CTNNA2: variants seen among roughly 807,000 people sequenced by gnomAD.
The protein encoded by CTNNA2 is catenin alpha 2, also known as catenin alpha-2.
In CTNNA2, 42 loss-of-function variants were observed where a neutral mutation model predicts 101.0. The observed-to-expected ratio is 0.42, with a 90% CI of 0.32 to 0.54. The LOEUF is 0.54. Ranked by LOEUF, CTNNA2 falls within the 20% of genes least tolerant of loss-of-function variation. The probability of loss-of-function intolerance (pLI) is 0.14; values close to 1 mark genes in which losing one functional copy is unlikely to be tolerated. For missense variants in CTNNA2, 871 were observed against 1,223.1 expected, an observed-to-expected ratio of 0.71 and a Z score of 4.29; for synonymous variants, 450 against 456.4, an observed-to-expected ratio of 0.99 and a Z score of 0.18.
intron 7 of CTNNA2, among the ~76,000 whole-genome samples, chr2:80,266,971 G>T (rs1345960195): frequency 6.6e-6 from 1 of 152,108 alleles, no homozygotes; most frequent in African/African-American, 2.4e-5. Context: ...CATCTAGAAT[G>T]GTGTTATTTT....
At chr2:79,777,327 ATGTGTG>A (rs67347678) in intron 3 of CTNNA2, among the ~76,000 whole-genome samples, 4,677 of 139,580 alleles carry the variant, frequency 0.034, 88 homozygotes, top group Non-Finnish European at 0.044. Context: ...AACACTTGTT[ATGTGTG>A]TGTGTGTGTG....
chr2:79,342,490 A>G (rs766477817), intron 3 of CTNNA2, among the ~76,000 whole-genome samples: 5 of 152,192 alleles, frequency 3.3e-5, no homozygotes, highest in African/African-American at 7.2e-5. Context: ...TTCCACCTCT[A>G]TTTGATTCTA....
chr2:79,793,538 G>A (rs1434745507), intron 3 of CTNNA2, among the ~76,000 whole-genome samples: 1 of 152,172 alleles, frequency 6.6e-6, no homozygotes, highest in African/African-American at 2.4e-5. Flanking sequence ...ATTATAGGAA[G>A]TAATAAGTAA....
chr2:79,322,178 G>A (rs1347308), intron 3 of CTNNA2, among the ~76,000 whole-genome samples: 38,688 of 152,128 alleles, frequency 0.25, 5,167 homozygotes, highest in Middle Eastern at 0.37. Flanking sequence ...CGAAGGAGAT[G>A]TCTTCAAAGG....
chr2:79,344,800 CTATATATATATT>C (rs1558637325), intron 3 of CTNNA2, among the ~76,000 whole-genome samples: 1 of 144,916 alleles, frequency 6.9e-6, no homozygotes, highest in Non-Finnish European at 1.5e-5. Flanking sequence ...AATTTCTCAG[CTATATATATATT>C]TATATATATA....
At chr2:80,142,518 AGAAGACGTAAT>A (rs1703077802) in intron 7 of CTNNA2, among the ~76,000 whole-genome samples, 1 of 152,218 alleles carries the variant, frequency 6.6e-6, no homozygotes, top group South Asian at 2.1e-4. Flanking sequence ...AGTGAAGGAA[AGAAGACGTAAT>A]GAAGCTGGCT....
chr2:79,842,418 T>A (rs1679892708), intron 3 of CTNNA2, among the ~76,000 whole-genome samples: 1 of 152,208 alleles, frequency 6.6e-6, no homozygotes, highest in Admixed American at 6.5e-5. Context: ...TAGAACAGTA[T>A]CTGGAACAAG....
At chr2:80,493,111 T>C (rs1687193117) in intron 9 of CTNNA2, among the ~76,000 whole-genome samples, 1 of 152,094 alleles carries the variant, frequency 6.6e-6, no homozygotes, top group Non-Finnish European at 1.5e-5. Context: ...AACATAAATA[T>C]GCAGGCAGTG....
At chr2:80,173,428 A>G (rs1055655277) in intron 7 of CTNNA2, among the ~76,000 whole-genome samples, 1 of 152,252 alleles carries the variant, frequency 6.6e-6, no homozygotes, top group East Asian at 1.9e-4. Flanking sequence ...GGAGACAGAC[A>G]TGCAATTCAT....
chr2:79,585,303 T>C (rs1024035108), intron 1 of CTNNA2, among the ~76,000 whole-genome samples: 3 of 152,056 alleles, frequency 2.0e-5, no homozygotes, highest in African/African-American at 7.2e-5. Context: ...TTAGGGATAA[T>C]TCTGCCTTTT....
chr2:79,982,392 T>A (rs1452313781), intron 7 of CTNNA2, among the ~76,000 whole-genome samples: 5 of 141,472 alleles, frequency 3.5e-5, no homozygotes, highest in East Asian at 4.0e-4. Flanking sequence ...ATAACATATA[T>A]AACATATATA....
At chr2:80,108,601 A>C (rs7600625) in intron 7 of CTNNA2, among the ~76,000 whole-genome samples, 30,311 of 152,138 alleles carry the variant, frequency 0.2, 3,352 homozygotes, top group South Asian at 0.37. Context: ...CTAATGCGAT[A>C]AAATCGATCT....
chr2:80,089,227 A>T (rs973974734), intron 7 of CTNNA2, among the ~76,000 whole-genome samples: 1 of 151,942 alleles, frequency 6.6e-6, no homozygotes, highest in Admixed American at 6.6e-5. Context: ...TTAAAATGGA[A>T]TCTTCTAGAA....
chr2:80,090,563 T>C (rs938653344), intron 7 of CTNNA2, among the ~76,000 whole-genome samples: 4 of 152,092 alleles, frequency 2.6e-5, no homozygotes, highest in African/African-American at 7.2e-5. Context: ...CATGGGGCTC[T>C]TTCCAAATTG....
intron 7 of CTNNA2, among the ~76,000 whole-genome samples, chr2:80,379,944 C>T (rs1676337896): frequency 1.3e-5 from 2 of 151,866 alleles, no homozygotes; most frequent in African/African-American, 2.4e-5. Context: ...ACTATTTAAC[C>T]AGCAGCAGCA....
chr2:80,573,686 A>G (rs920828430), intron 12 of CTNNA2, among the ~76,000 whole-genome samples: 1 of 152,190 alleles, frequency 6.6e-6, no homozygotes, highest in Admixed American at 6.5e-5. Flanking sequence ...TTAAATATTT[A>G]TTGATACTTC....
chr2:79,435,536 G>A (rs1391132725), intron 4 of CTNNA2, among the ~76,000 whole-genome samples: 3 of 152,158 alleles, frequency 2.0e-5, no homozygotes, highest in Non-Finnish European at 4.4e-5. Context: ...CCTGAAAAAG[G>A]TACTCTAACT....
intron 17 of CTNNA2, 86 bp downstream of exon 17, chr2:80,608,404 C>A (rs1573443371): frequency 7.0e-7 from 1 of 1,419,072 alleles, no homozygotes; most frequent in South Asian, 1.4e-5. Flanking sequence ...CTGCTAAAAA[C>A]ACCAAACTAC....
intron 7 of CTNNA2, among the ~76,000 whole-genome samples, chr2:80,034,354 CTTTT>C (rs1199616310): frequency 0.011 from 604 of 54,084 alleles, 4 homozygotes; most frequent in African/African-American, 0.022. Flanking sequence ...ATTTTTTTTT[CTTTT>C]TTTTTTTTTT....
Sources: gnomAD v4.1 joint callset for allele counts (sites outside exome capture counted in the v4.1 genomes callset) on GRCh38, gnomAD v4.1.1 for gene constraint, MANE v1.5 for transcripts, NCBI Gene and HGNC (gene_info 2026-07-23, HGNC 2026-07-21) for gene names.